The following ABCB4 variants were observed in gnomAD, a reference collection of about 807,000 sequenced individuals.
ABCB4 encodes the protein phosphatidylcholine translocator ABCB4.
ABCB4 carries 76 observed loss-of-function variants against 145.7 expected under a neutral mutation model. That is an observed-to-expected ratio of 0.52 (90% CI 0.43 to 0.63). ABCB4 has a LOEUF of 0.63. Among genes scored for constraint, ABCB4 ranks in the 30% least tolerant of loss-of-function variants. The pLI, the probability that ABCB4 is intolerant of heterozygous loss-of-function variation, is 0.00. For synonymous variants in ABCB4, 517 were observed against 566.8 expected (o/e 0.91, Z 1.25); for missense variants, 1,234 against 1,553.1 (o/e 0.79, Z 3.45).
intron 4 of ABCB4, among the ~76,000 whole-genome samples, chr7:87,457,953 G>C (rs1276368923): frequency 6.6e-6 from 1 of 152,038 alleles, no homozygotes; most frequent in Non-Finnish European, 1.5e-5. Context: ...CTTTCTTTGT[G>C]TTACAAACAA....
Position 87,408,082 on chromosome 7 carries a change from C to G in ABCB4, c.3234G>C (p.Val1078=), listed in dbSNP as rs1808339680. 6.2e-7 allele frequency: 1 copy of G among 1,614,074 alleles called. No individual in the cohort carries two copies. Among genetic ancestry groups the G allele is most frequent in the South Asian group, 1.1e-5 (1 of 91,086 alleles). The change falls in exon 25 of 28, where the codon GTG becomes GTC. Residue 1078 remains valine, a synonymous_variant. Transcript: ENST00000649586. ...VGSSGCGKST[V]VQLLERFYDP... ...CGTAGAACCGCTCCAGGAGCTGGAC[C>G]ACCGTGCTCTTCCCACAGCCACTGC...
At chr7:87,366,243 T>C in the ABCB4 span, among the ~76,000 whole-genome samples, 19 of 135,284 alleles carry the variant, frequency 1.4e-4, no homozygotes, top group African/African-American at 6.7e-4. Flanking sequence ...CAAGGGGGAA[T>C]TTTTTTTTTC....
chr7:87,436,442 G>C (rs776985466), intron 14 of ABCB4, among the ~76,000 whole-genome samples: 1 of 152,162 alleles, frequency 6.6e-6, no homozygotes, highest in African/African-American at 2.4e-5. Context: ...TCTGGGGCTT[G>C]AGTAAATGAC....
intron 2 of ABCB4, among the ~76,000 whole-genome samples, chr7:87,474,342 C>G (rs1210939167): frequency 6.6e-6 from 1 of 152,186 alleles, no homozygotes; most frequent in African/African-American, 2.4e-5. Flanking sequence ...GTAACACCAT[C>G]TATCACTTTT....
intron 4 of ABCB4, among the ~76,000 whole-genome samples, chr7:87,455,043 T>C (rs1373477210): frequency 6.7e-6 from 1 of 148,420 alleles, no homozygotes; most frequent in Non-Finnish European, 1.5e-5. Flanking sequence ...TTCAATAAAT[T>C]TTATTTTTAT....
chr7:87,470,614 A>G (rs1813307876), intron 3 of ABCB4, among the ~76,000 whole-genome samples: 1 of 152,220 alleles, frequency 6.6e-6, no homozygotes, highest in Admixed American at 6.5e-5. Flanking sequence ...GACACATGAA[A>G]AAATGCTCAT....
At chr7:87,453,308 C>T (rs1174169806) in intron 5 of ABCB4, among the ~76,000 whole-genome samples, 173 bp from the exon 6 acceptor site, 3 of 152,084 alleles carry the variant, frequency 2.0e-5, no homozygotes, top group South Asian at 2.1e-4. Flanking sequence ...CTCAGCCTCC[C>T]GAGTAGCTGG....
intron 26 of ABCB4, chr7:87,405,802 G>T: frequency 4.9e-6 from 1 of 202,382 alleles, no homozygotes. Flanking sequence ...GCAAATGAAT[G>T]CAAGTAAAAC....
At chr7:87,427,328 G>A (rs1291967978) in intron 15 of ABCB4, among the ~76,000 whole-genome samples, 1 of 151,922 alleles carries the variant, frequency 6.6e-6, no homozygotes, top group African/African-American at 2.4e-5. Flanking sequence ...GAATCAAAGG[G>A]CCTGGTCACT....
At chr7:87,408,346 A>C in intron 24 of ABCB4, 112 bp from the exon 25 acceptor site, 1 of 1,115,854 alleles carries the variant, frequency 9.0e-7, no homozygotes, top group Non-Finnish European at 1.3e-6. Flanking sequence ...CATAAAATTC[A>C]TATTTGGTAT....
chr7:87,452,652 T>C (rs570012760), intron 6 of ABCB4: 1 of 445,856 alleles, frequency 2.2e-6, no homozygotes, highest in Non-Finnish European at 4.1e-6. Flanking sequence ...TTCAACCATC[T>C]TTACTGACAG....
At chr7:87,467,163 T>G (rs112369941) in intron 3 of ABCB4, among the ~76,000 whole-genome samples, 39,922 of 151,926 alleles carry the variant, frequency 0.26, 6,296 homozygotes, top group African/African-American at 0.45. Context: ...CCATCTCACG[T>G]GCAGAGACAC....
At position 87,475,614 on chromosome 7, in the gene ABCB4, C is replaced by G; in HGVS notation, c.-7+20G>C. 2.6e-6 allele frequency: 2 copies of G among 778,838 alleles called. No individual in the cohort carries two copies. Among genetic ancestry groups the G allele is most frequent in the African/African-American group, 1.7e-5 (1 of 58,422 alleles). The allele number at this position is 778,838 out of a possible 1,614,324, so 48.2% of individuals were successfully genotyped here. ...TCCCGGGTCTCCCTTCGAGGCCAGA[C>G]GCGCCCGGACCTCTCTCACCTCGAA... On this transcript the variant is annotated intron_variant, in intron 1 of 27. Transcript: ENST00000649586.
chr7:87,437,605 A>G (rs1320043330), intron 14 of ABCB4, among the ~76,000 whole-genome samples: 1 of 152,234 alleles, frequency 6.6e-6, no homozygotes, highest in Non-Finnish European at 1.5e-5. Context: ...TGTGCTAGGC[A>G]TGTGCTAATA....
chr7:87,403,961 A>G (rs897665723), intron 26 of ABCB4, among the ~76,000 whole-genome samples: 1 of 152,184 alleles, frequency 6.6e-6, no homozygotes, highest in African/African-American at 2.4e-5. Context: ...CTAGGCTGAG[A>G]AAGAGCATAT....
At chr7:87,434,909 A>AT (rs1810511150) in intron 14 of ABCB4, among the ~76,000 whole-genome samples, 1 of 152,196 alleles carries the variant, frequency 6.6e-6, no homozygotes, top group Non-Finnish European at 1.5e-5. Flanking sequence ...GGGGTGGTTT[A>AT]TTCTTCCTAG....
At chr7:87,375,571 A>T in the ABCB4 span, 1 of 1,255,310 alleles carries the variant, frequency 8.0e-7, no homozygotes, top group Non-Finnish European at 1.2e-6. Flanking sequence ...GACCTTTTAA[A>T]GGCCAAAGTA....
chr7:87,475,594 G>T, intron 1 of ABCB4, 40 bp downstream of exon 1: 1 of 966,160 alleles, frequency 1.0e-6, no homozygotes, highest in Non-Finnish European at 1.6e-6. Context: ...CCACGTCCCG[G>T]GTCTCCCTTC....
Position 87,424,072 on chromosome 7 carries a change from G to T in ABCB4, c.2065-20C>A. 6.2e-7 allele frequency: 1 copy of T among 1,613,834 alleles called. No individual in the cohort carries two copies. The highest frequency in any genetic ancestry group is 8.5e-7 in the Non-Finnish European group (1 of 1,179,896). ...TGCTTCCTAGAACATATAAACATCA[G>T]GGCAAACTGGTGATGACACAACAGT... On this transcript the variant is annotated intron_variant, in intron 16 of 27. Transcript: ENST00000649586.
Sources: gnomAD v4.1 joint callset for allele counts (sites outside exome capture counted in the v4.1 genomes callset) on GRCh38, gnomAD v4.1.1 for gene constraint, MANE v1.5 for transcripts, NCBI Gene and HGNC (gene_info 2026-07-23, HGNC 2026-07-21) for gene names.